Variants in LRP6 observed in about 807,000 individuals in gnomAD.
LRP6 encodes LDL receptor related protein 6.
In LRP6, 43 loss-of-function variants were observed where a neutral mutation model predicts 184.1. The ratio of observed to expected loss-of-function variants is 0.23; its 90% confidence interval spans 0.18 to 0.30. The LOEUF (loss-of-function observed/expected upper bound fraction) is 0.30, where lower values mean the gene tolerates loss of function less well. Among genes scored for constraint, LRP6 ranks in the 10% least tolerant of loss-of-function variants. LRP6 has a pLI of 1.00. For synonymous variants in LRP6, 719 were observed against 684.9 expected (o/e 1.05, Z -0.78); for missense variants, 1,571 against 2,005.3 (o/e 0.78, Z 4.14).
At chr12:12,194,946 A>G (rs1459669303) in intron 3 of LRP6, among the ~76,000 whole-genome samples, 2 of 152,094 alleles carry the variant, frequency 1.3e-5, no homozygotes, top group South Asian at 2.1e-4. Flanking sequence ...GAGTGAGAAC[A>G]TGCATGGTTT....
At chr12:12,122,567 C>T (rs1394493027) in intron 22 of LRP6, among the ~76,000 whole-genome samples, 8 of 152,160 alleles carry the variant, frequency 5.3e-5, no homozygotes, top group African/African-American at 1.9e-4. Flanking sequence ...ATTCCTTGTT[C>T]TACTCTGTCT....
intron 2 of LRP6, among the ~76,000 whole-genome samples, chr12:12,224,933 G>C (rs150800767): frequency 6.6e-6 from 1 of 152,156 alleles, no homozygotes. Flanking sequence ...GGCCAGGGGC[G>C]GTGGCTCACA....
chr12:12,147,918 T>C (rs1950032016), intron 14 of LRP6, among the ~76,000 whole-genome samples: 1 of 151,834 alleles, frequency 6.6e-6, no homozygotes, highest in Non-Finnish European at 1.5e-5. Context: ...GAGGTTGCAG[T>C]GAGCTGAGAT....
intron 7 of LRP6, among the ~76,000 whole-genome samples, chr12:12,171,470 C>G (rs1288271048): frequency 6.6e-6 from 1 of 151,336 alleles, no homozygotes; most frequent in East Asian, 1.9e-4. Context: ...TGCAGTGCAC[C>G]GAGACTGTGC....
At chr12:12,245,132 C>G (rs974190349) in intron 1 of LRP6, among the ~76,000 whole-genome samples, 1 of 152,176 alleles carries the variant, frequency 6.6e-6, no homozygotes, top group Non-Finnish European at 1.5e-5. Context: ...TATGTCAATA[C>G]AAAGACTTGT....
intron 1 of LRP6, among the ~76,000 whole-genome samples, chr12:12,247,304 C>A (rs891691311): frequency 6.6e-6 from 1 of 152,182 alleles, no homozygotes; most frequent in Non-Finnish European, 1.5e-5. Context: ...CTTTATGGCA[C>A]TATCTTGGAA....
chr12:12,154,745 G>C (rs1221203861), intron 12 of LRP6, among the ~76,000 whole-genome samples: 2 of 152,174 alleles, frequency 1.3e-5, no homozygotes, highest in Admixed American at 6.5e-5. Context: ...GTGACAAGGA[G>C]AGCCTTGTAG....
Position 12,160,099 on chromosome 12 carries a change from C to T in LRP6, c.2280-135G>A, listed in dbSNP as rs1181425207. The T allele has an allele frequency of 2.0e-5, 13 of 645,072 alleles. No individual in the cohort carries two copies. In the Admixed American group the frequency reaches 4.0e-4, roughly 20 times the overall value. 40.0% of individuals were successfully genotyped at this position (645,072 alleles called of 1,614,324 possible). A position where few individuals can be genotyped will look rare whatever the true frequency, so the allele number is the denominator to read the frequency against. ...CAAGGAAATGGGTTAAACAAAATCA[C>T]GGCTACAATGCTTTCAATTATTTTG... On this transcript the variant is annotated intron_variant, in intron 10 of 22. Transcript: ENST00000261349.
chr12:12,186,947 A>C lies in LRP6; in HGVS notation c.820T>G (p.Phe274Val). ...CCATTTGGCTGCCTCTGTTGGCTGA[A>C]GGCATGTATATCCATGGGAGAGAAG... is the stretch of plus-strand genomic sequence containing the variant. ...DIFSPMDIHA[F>V]SQQRQPNATN... Residue 274 changes from phenylalanine (F) to valine (V), a missense_variant, in exon 4 of 23, where the codon TTC becomes GTC. This residue lies in a region of LRP6 where 640 missense variants were observed against 851.9 expected (regional missense o/e 0.75). Transcript: ENST00000261349. 1 of 1,614,158 alleles carries C rather than the reference A, an allele frequency of 6.2e-7. No homozygotes were observed. Among genetic ancestry groups the C allele is most frequent in the Non-Finnish European group, 8.5e-7 (1 of 1,179,998 alleles).
At chr12:12,151,656 T>C (rs7972682) in intron 12 of LRP6, among the ~76,000 whole-genome samples, 10,928 of 152,142 alleles carry the variant, frequency 0.072, 1,224 homozygotes, top group African/African-American at 0.24. Context: ...CTTTAGAAAC[T>C]GTAAGGCACT....
intron 7 of LRP6, 96 bp from the exon 8 acceptor site, chr12:12,165,391 G>T: frequency 1.2e-6 from 1 of 857,742 alleles, no homozygotes; most frequent in Non-Finnish European, 2.0e-6. Flanking sequence ...AAAAATCCAA[G>T]AGTCATCTTG....
chr12:12,255,700 A>G (rs1003031184), intron 1 of LRP6, among the ~76,000 whole-genome samples: 1 of 151,010 alleles, frequency 6.6e-6, no homozygotes, highest in African/African-American at 2.4e-5. Flanking sequence ...CCTCTCAAGC[A>G]GCTGGGATTA....
At chr12:12,219,196 CCT>C (rs1375152334) in intron 2 of LRP6, among the ~76,000 whole-genome samples, 1 of 151,990 alleles carries the variant, frequency 6.6e-6, no homozygotes, top group Non-Finnish European at 1.5e-5. Flanking sequence ...ACTGTCTACC[CCT>C]TTTTGGTTTT....
chr12:12,222,867 T>C (rs1222840500), intron 2 of LRP6, among the ~76,000 whole-genome samples: 2 of 152,120 alleles, frequency 1.3e-5, no homozygotes, highest in African/African-American at 2.4e-5. Flanking sequence ...AAAAGTTACA[T>C]ATACAATCCT....
At chr12:12,137,268 A>G (rs547330763) in intron 16 of LRP6, among the ~76,000 whole-genome samples, 26 of 152,356 alleles carry the variant, frequency 1.7e-4, no homozygotes, top group Admixed American at 3.9e-4. Context: ...TATGATCAAC[A>G]GTAGTGACTG....
At chr12:12,186,003 G>A (rs928026594) in intron 4 of LRP6, among the ~76,000 whole-genome samples, 2 of 151,714 alleles carry the variant, frequency 1.3e-5, no homozygotes, top group African/African-American at 4.8e-5. Context: ...ACGCCACCAC[G>A]CCTGGCTAAT....
chr12:12,232,932 A>G (rs1054421607), intron 2 of LRP6, among the ~76,000 whole-genome samples: 10 of 152,208 alleles, frequency 6.6e-5, no homozygotes, highest in Non-Finnish European at 8.8e-5. Flanking sequence ...ACCAAATATT[A>G]TAACAAAAGA....
intron 2 of LRP6, among the ~76,000 whole-genome samples, chr12:12,234,902 T>C (rs1375217370): frequency 1.3e-5 from 2 of 151,112 alleles, no homozygotes; most frequent in Admixed American, 1.3e-4. Flanking sequence ...TATACACACG[T>C]ATCAACTCAT....
intron 7 of LRP6, among the ~76,000 whole-genome samples, chr12:12,175,877 GA>G (rs893722925): frequency 5.9e-5 from 9 of 151,764 alleles, no homozygotes; most frequent in Non-Finnish European, 1.3e-4. Context: ...GCAACCTCAA[GA>G]AAATTTAAGC....
Sources: allele counts gnomAD v4.1 joint callset (sites outside exome capture counted in the v4.1 genomes callset), GRCh38; gene constraint gnomAD v4.1.1; regional missense constraint gnomAD v4.1.1; transcripts MANE v1.5; gene names NCBI Gene and HGNC (gene_info 2026-07-23, HGNC 2026-07-21).